SAMD4A: variants seen among roughly 807,000 people sequenced by gnomAD.
The protein encoded by SAMD4A is sterile alpha motif domain containing 4A.
A neutral mutation model predicts 81.3 loss-of-function variants in SAMD4A; 33 were observed. The ratio of observed to expected loss-of-function variants is 0.41; its 90% confidence interval spans 0.31 to 0.54. The LOEUF (loss-of-function observed/expected upper bound fraction) is 0.54. SAMD4A is among the 20% of genes least tolerant of loss of function. The pLI is 0.37. For missense variants in SAMD4A, 854 were observed against 951.1 expected, an observed-to-expected ratio of 0.90 and a Z score of 1.34; for synonymous variants, 389 against 382.1, an observed-to-expected ratio of 1.02 and a Z score of -0.21.
chr14:54,723,613 T>C (rs762844875), intron 3 of SAMD4A, among the ~76,000 whole-genome samples: 16 of 152,246 alleles, frequency 1.1e-4, no homozygotes, highest in Non-Finnish European at 2.4e-4. Context: ...TCAGCAATTC[T>C]TCACCTTCAT....
intron 11 of SAMD4A, among the ~76,000 whole-genome samples, chr14:54,779,254 G>C (rs2038939217): frequency 6.6e-6 from 1 of 152,190 alleles, no homozygotes; most frequent in Non-Finnish European, 1.5e-5. Context: ...GCAAAAATCA[G>C]GAAGTCAGAA....
chr14:54,711,011 C>T (rs1357477965), intron 3 of SAMD4A, among the ~76,000 whole-genome samples: 2 of 152,178 alleles, frequency 1.3e-5, no homozygotes, highest in Non-Finnish European at 2.9e-5. Flanking sequence ...CCTCAATATG[C>T]CCCTCTAGGC....
rs145680409 is a variant in SAMD4A, at chr14:54,732,210, A to G, written c.716-4814A>G. Among the ~76,000 whole-genome samples the G allele has an allele frequency of 5.2e-3, 792 of 152,314 alleles. 2 individuals carry two copies. The highest frequency in any genetic ancestry group is 7.1e-3 in the Non-Finnish European group (481 of 68,018). On this transcript the variant is annotated intron_variant, in intron 3 of 12. Transcript: ENST00000554335. ...CATTAAAACCACAATTGTATTTCAA[A>G]TCTGCTGATTTTTTTAAAAAAGACG...
At chr14:54,714,439 A>C (rs1378780115) in intron 3 of SAMD4A, among the ~76,000 whole-genome samples, 3 of 152,144 alleles carry the variant, frequency 2.0e-5, no homozygotes, top group African/African-American at 7.2e-5. Flanking sequence ...TGTGTTTTAA[A>C]ATTACATATT....
At chr14:54,697,313 G>C (rs868664846) in intron 2 of SAMD4A, among the ~76,000 whole-genome samples, 2 of 152,200 alleles carry the variant, frequency 1.3e-5, no homozygotes, top group Non-Finnish European at 2.9e-5. Flanking sequence ...TCATCAGAGA[G>C]ACCAGACGTA....
intron 2 of SAMD4A, among the ~76,000 whole-genome samples, chr14:54,613,134 G>GGA (rs1566547520): frequency 1.9e-4 from 12 of 63,588 alleles, no homozygotes; most frequent in African/African-American, 2.8e-4. Flanking sequence ...AAGAGAGAGA[G>GGA]AGAAAGGAAG....
intron 11 of SAMD4A, chr14:54,784,177 T>C (rs1458605242): frequency 9.8e-6 from 6 of 612,366 alleles, no homozygotes; most frequent in Non-Finnish European, 1.5e-5. Flanking sequence ...AGGAGAGAGC[T>C]GTATGAGGGT....
At chr14:54,698,780 G>A (rs982571396) in intron 2 of SAMD4A, among the ~76,000 whole-genome samples, 7 of 152,166 alleles carry the variant, frequency 4.6e-5, no homozygotes, top group Non-Finnish European at 8.8e-5. Flanking sequence ...TAAAGGGACC[G>A]GGGCCAGCGG....
intron 2 of SAMD4A, among the ~76,000 whole-genome samples, chr14:54,635,491 C>T (rs926442412): frequency 1.3e-5 from 2 of 149,448 alleles, no homozygotes; most frequent in African/African-American, 5.0e-5. Flanking sequence ...CGCTCACGTC[C>T]GTAATCCCAA....
rs1329427697 is a variant in SAMD4A, at chr14:54,791,653, T to G, written c.*2709T>G. 2.0e-5 allele frequency: 3 copies of G among 152,168 alleles called. No individual in the cohort carries two copies. The highest frequency in any genetic ancestry group is 4.4e-5 in the Non-Finnish European group (3 of 68,032). 9.4% of individuals were successfully genotyped at this position (152,168 alleles called of 1,614,324 possible). ...ACTTAGTTGTGTTTTGCTATTAGTG[T>G]TTTAATTTTTTTTTTAAGTTGAGTG... On this transcript the variant is annotated 3_prime_UTR_variant, in exon 13 of 13. Coordinates refer to ENST00000554335, the MANE Select transcript of SAMD4A (RefSeq NM_015589.6).
At chr14:54,642,815 A>G (rs1008614505) in intron 2 of SAMD4A, among the ~76,000 whole-genome samples, 7 of 152,236 alleles carry the variant, frequency 4.6e-5, no homozygotes, top group African/African-American at 1.7e-4. Context: ...CAGACCCTGC[A>G]TGCGTGAACA....
At chr14:54,612,787 G>A (rs967834758) in intron 2 of SAMD4A, among the ~76,000 whole-genome samples, 10 of 152,112 alleles carry the variant, frequency 6.6e-5, no homozygotes, top group African/African-American at 1.7e-4. Flanking sequence ...AAGACTACCC[G>A]AGGCAGTCAG....
chr14:54,768,469 G>C (rs962005067), intron 8 of SAMD4A, among the ~76,000 whole-genome samples: 1 of 152,162 alleles, frequency 6.6e-6, no homozygotes, highest in South Asian at 2.1e-4. Flanking sequence ...GCAGGGATTC[G>C]AGCCCTGCCC....
chr14:54,765,844 A>G (rs1375110255), intron 8 of SAMD4A, among the ~76,000 whole-genome samples: 1 of 151,982 alleles, frequency 6.6e-6, no homozygotes, highest in Non-Finnish European at 1.5e-5. Context: ...CACACTTCAC[A>G]TACAAGGGTA....
At chr14:54,751,708 GCTT>G (rs1297032364) in intron 6 of SAMD4A, among the ~76,000 whole-genome samples, 171 bp downstream of exon 6, 5 of 152,226 alleles carry the variant, frequency 3.3e-5, no homozygotes, top group African/African-American at 4.8e-5. Context: ...GGTTGCACGT[GCTT>G]CTTTGAAAGC....
At chr14:54,759,131 A>G (rs2038323550) in intron 6 of SAMD4A, among the ~76,000 whole-genome samples, 2 of 152,258 alleles carry the variant, frequency 1.3e-5, no homozygotes, top group South Asian at 4.1e-4. Flanking sequence ...CAATTTTATT[A>G]TACAACACAT....
chr14:54,631,261 G>A (rs1314999785), intron 2 of SAMD4A, among the ~76,000 whole-genome samples: 3 of 152,044 alleles, frequency 2.0e-5, no homozygotes, highest in South Asian at 4.2e-4. Context: ...CTTTACTCAG[G>A]CCACTGATAT....
Position 54,630,707 on chromosome 14 carries a change from G to A in SAMD4A, c.196+62595G>A, listed in dbSNP as rs117397739. Among the ~76,000 whole-genome samples the A allele has an allele frequency of 2.7e-3, 410 of 152,200 alleles. 1 individual carries two copies. Among genetic ancestry groups the A allele is most frequent in the Non-Finnish European group, 4.5e-3 (309 of 68,018 alleles). Reference sequence around the variant, plus strand: ...TCTCATTATCAGGCTTCTAGTGATAGGTTGTATCAAGGGGTATTTCACTAT... The same window carrying A: ...TCTCATTATCAGGCTTCTAGTGATAAGTTGTATCAAGGGGTATTTCACTAT... On this transcript the variant is annotated intron_variant, in intron 2 of 12. Coordinates refer to ENST00000554335, the MANE Select transcript of SAMD4A (RefSeq NM_015589.6).
intron 2 of SAMD4A, among the ~76,000 whole-genome samples, chr14:54,613,241 G>C (rs1445690901): frequency 6.6e-6 from 1 of 152,196 alleles, no homozygotes; most frequent in Non-Finnish European, 1.5e-5. Context: ...GGAGAGCAGA[G>C]ATGCTCACTG....
Sources: allele counts gnomAD v4.1 joint callset (sites outside exome capture counted in the v4.1 genomes callset), GRCh38; gene constraint gnomAD v4.1.1; transcripts MANE v1.5; gene names NCBI Gene and HGNC (gene_info 2026-07-23, HGNC 2026-07-21).